Variants in SLCO5A1 observed in about 807,000 individuals in gnomAD.
SLCO5A1 encodes organic anion transporter polypeptide-related protein 4.
Under a neutral mutation model 65.1 loss-of-function variants are expected in SLCO5A1, and 39 were observed. The ratio of observed to expected loss-of-function variants is 0.60; its 90% CI spans 0.46 to 0.78. The LOEUF (loss-of-function observed/expected upper bound fraction) is 0.78, where lower values mean the gene tolerates loss of function less well. Among genes scored for constraint, SLCO5A1 ranks in the 30% least tolerant of loss-of-function variants. The pLI, the probability that SLCO5A1 is intolerant of heterozygous loss-of-function variation, is 0.00. For synonymous variants in SLCO5A1, 438 were observed against 415.7 expected (o/e 1.05, Z -0.65); for missense variants, 1,029 against 1,069.4 (o/e 0.96, Z 0.53).
Position 69,679,523 on chromosome 8 carries a change from T to C in SLCO5A1, c.1879A>G (p.Lys627Glu). The change falls in exon 8 of 10, where the codon AAG becomes GAG. Residue 627 changes from lysine (K) to glutamate (E), a missense_variant. Physicochemically the swap from Lys to Glu is moderately conservative, Grantham distance 56. Coordinates refer to ENST00000260126, the MANE Select transcript of SLCO5A1 (RefSeq NM_030958.3). The part of the protein sequence containing the change: ...QRSQLRVVIV[K>E]TYLNENGYAV... ...TAGCCGTTCTCATTGAGATAAGTCT[T>C]GACAATAACCACACGGAGCTGACTT... 6.2e-7 allele frequency: 1 copy of C among 1,614,194 alleles called. No individual in the cohort carries two copies. The highest frequency in any genetic ancestry group is 2.2e-5 in the East Asian group (1 of 44,882).
chr8:69,800,245 ATTTTTTTTTTTTTTTT>A (rs749384852), intron 2 of SLCO5A1, among the ~76,000 whole-genome samples: 6 of 81,300 alleles, frequency 7.4e-5, no homozygotes, highest in Non-Finnish European at 1.1e-4. Flanking sequence ...AGACGCTTGA[ATTTTTTTTTTTTTTTT>A]TTTTTTTTTT....
intron 5 of SLCO5A1, among the ~76,000 whole-genome samples, chr8:69,714,676 CT>C (rs1311001746): frequency 6.6e-6 from 1 of 152,202 alleles, no homozygotes; most frequent in African/African-American, 2.4e-5. Flanking sequence ...CTAGCGTAGC[CT>C]TGCTGAAATT....
intron 2 of SLCO5A1, among the ~76,000 whole-genome samples, chr8:69,781,665 TG>T (rs1189041381): frequency 2.6e-5 from 4 of 152,164 alleles, no homozygotes; most frequent in African/African-American, 9.7e-5. Context: ...TTTTGTTTTT[TG>T]TTTTTTTTGA....
intron 2 of SLCO5A1, among the ~76,000 whole-genome samples, chr8:69,772,648 GGAAAGGAAAA>G (rs1818381411): frequency 6.8e-6 from 1 of 147,492 alleles, no homozygotes; most frequent in Admixed American, 6.8e-5. Context: ...GGAAAGGAAA[GGAAAGGAAAA>G]GAAATGATTC....
chr8:69,789,539 G>A (rs898630347), intron 2 of SLCO5A1, among the ~76,000 whole-genome samples: 5 of 152,278 alleles, frequency 3.3e-5, no homozygotes, highest in African/African-American at 9.6e-5. Context: ...GGGAGTGGCC[G>A]GGGAATGGGA....
chr8:69,710,272 T>G (rs2959571), intron 5 of SLCO5A1, among the ~76,000 whole-genome samples: 91,413 of 151,858 alleles, frequency 0.6, 27,703 homozygotes, highest in South Asian at 0.72. Flanking sequence ...ACCCACCTCG[T>G]CCTTCCAAAG....
chr8:69,715,992 G>T (rs2380581), intron 5 of SLCO5A1, among the ~76,000 whole-genome samples: 1 of 151,748 alleles, frequency 6.6e-6, no homozygotes, highest in Non-Finnish European at 1.5e-5. Context: ...CCCTTGCCCC[G>T]CACTGCTCCA....
rs143305219 is a variant in SLCO5A1, at chr8:69,821,399, A to C, written c.907+10368T>G. Among the ~76,000 whole-genome samples the C allele has an allele frequency of 6.1e-4, 93 of 151,746 alleles. 3 individuals carry two copies. In the East Asian group the frequency reaches 0.016, roughly 26 times the overall value. The stretch of plus-strand genomic sequence containing the variant: ...ATTTGCAAAATGAAGAAGAACAGGA[A>C]GAGGATAAAGAAGAGGAAGAAGAAG... On this transcript the variant is annotated intron_variant, in intron 2 of 9. Transcript: ENST00000260126.
chr8:69,784,907 A>AG (rs1818975680), intron 2 of SLCO5A1, among the ~76,000 whole-genome samples: 4 of 90,268 alleles, frequency 4.4e-5, no homozygotes, highest in Non-Finnish European at 8.7e-5. Flanking sequence ...AGAAAGAAAG[A>AG]AAGAAAGAAA....
At chr8:69,805,742 G>A (rs563965057) in intron 2 of SLCO5A1, among the ~76,000 whole-genome samples, 138 of 152,232 alleles carry the variant, frequency 9.1e-4, no homozygotes, top group African/African-American at 1.1e-3. Flanking sequence ...ACTTAACAGC[G>A]TCTGGAAGTT....
rs567620827 is a variant in SLCO5A1 at position 69,832,793 on chromosome 8, G to A, written c.-120C>T. ...TCTTGCCCACCTGGGACTGGGGCTG[G>A]GGGCGCAGGGCCGCGCAGCAGGGCA... is the stretch of plus-strand genomic sequence containing the variant. On this transcript the variant is annotated 5_prime_UTR_variant, in exon 2 of 10. Transcript: ENST00000260126. This position sits in a 1 kb window ranked among gnomAD's most constrained non-coding sequence, Gnocchi z 4.5. 5.0e-5 allele frequency: 61 copies of A among 1,210,394 alleles called. No individual in the cohort carries two copies. The African/African-American group carries it at 8.7e-4, about 17-fold the overall frequency. 75.0% of individuals were successfully genotyped at this position (1,210,394 alleles called of 1,614,324 possible).
chr8:69,725,956 A>C (rs2959551), intron 5 of SLCO5A1, among the ~76,000 whole-genome samples: 87,201 of 152,058 alleles, frequency 0.57, 25,479 homozygotes, highest in South Asian at 0.69. Flanking sequence ...TCTCGAGGGG[A>C]TCTGGGCTAT....
chr8:69,787,146 T>A (rs938432638), intron 2 of SLCO5A1, among the ~76,000 whole-genome samples: 12 of 152,214 alleles, frequency 7.9e-5, no homozygotes, highest in Non-Finnish European at 1.2e-4. Context: ...ACTCGTGGCA[T>A]CTAGCACTGA....
intron 2 of SLCO5A1, among the ~76,000 whole-genome samples, chr8:69,764,456 G>A (rs1272980459): frequency 6.6e-6 from 1 of 152,088 alleles, no homozygotes; most frequent in East Asian, 1.9e-4. Context: ...TATTTCAAAA[G>A]AGAAAGCACA....
chr8:69,824,949 C>G (rs1266677154), intron 2 of SLCO5A1, among the ~76,000 whole-genome samples: 1 of 152,162 alleles, frequency 6.6e-6, no homozygotes, highest in Admixed American at 6.6e-5. Flanking sequence ...GGGCTTCATC[C>G]CTGGGATGCA....
intron 2 of SLCO5A1, among the ~76,000 whole-genome samples, chr8:69,771,795 G>A (rs1213983575): frequency 6.6e-6 from 1 of 152,212 alleles, no homozygotes; most frequent in Non-Finnish European, 1.5e-5. Context: ...AGCTCACTTG[G>A]CACATGGCAT....
chr8:69,765,317 G>A (rs1818010809), intron 2 of SLCO5A1, among the ~76,000 whole-genome samples: 1 of 151,124 alleles, frequency 6.6e-6, no homozygotes, highest in South Asian at 2.1e-4. Flanking sequence ...ATGTATACAT[G>A]TACATATATG....
chr8:69,793,810 T>TA (rs1161163609), intron 2 of SLCO5A1, among the ~76,000 whole-genome samples: 4 of 140,458 alleles, frequency 2.8e-5, no homozygotes, highest in African/African-American at 5.2e-5. Context: ...AATAAATAAA[T>TA]AAATAAAATA....
At chr8:69,723,634 G>T (rs11782475) in intron 5 of SLCO5A1, among the ~76,000 whole-genome samples, 1 of 151,970 alleles carries the variant, frequency 6.6e-6, no homozygotes, top group Non-Finnish European at 1.5e-5. Context: ...AGAGGAAAAG[G>T]TTCATACTTT....
Sources: allele counts gnomAD v4.1 joint callset (sites outside exome capture counted in the v4.1 genomes callset), GRCh38; gene constraint gnomAD v4.1.1; non-coding constraint Gnocchi (gnomAD v3.1); transcripts MANE v1.5; gene names NCBI Gene and HGNC (gene_info 2026-07-23, HGNC 2026-07-21).